The following ASIP variants were observed in gnomAD, a reference collection of about 807,000 sequenced individuals.
ASIP encodes the protein agouti signaling protein.
Under a neutral mutation model 10.3 loss-of-function variants are expected in ASIP, and 11 were observed. The observed-to-expected ratio is 1.07, with a 90% CI of 0.68 to 1.78. The LOEUF (loss-of-function observed/expected upper bound fraction) is 1.78, where lower values mean the gene tolerates loss of function less well. Ranked by LOEUF, ASIP falls within the 40% of genes most tolerant of loss-of-function variation. The pLI is 0.00. For missense variants in ASIP, 180 were observed against 169.2 expected (o/e 1.06, Z -0.35); for synonymous variants, 70 against 70.8 (o/e 0.99, Z 0.06).
chr20:34,267,625 C>T (rs986949077), intron 3 of ASIP, among the ~76,000 whole-genome samples: 7 of 151,994 alleles, frequency 4.6e-5, no homozygotes, highest in South Asian at 2.1e-4. Flanking sequence ...TCCACCTCCC[C>T]GGTTCAAACA....
chr20:34,252,297 T>C (rs1601601823), intron 1 of ASIP, among the ~76,000 whole-genome samples: 1 of 152,202 alleles, frequency 6.6e-6, no homozygotes, highest in East Asian at 1.9e-4. Context: ...TTATTGATTA[T>C]TATTTTTACT....
At chr20:34,256,130 A>C (rs1568767061) in intron 1 of ASIP, among the ~76,000 whole-genome samples, 1 of 152,248 alleles carries the variant, frequency 6.6e-6, no homozygotes, top group Non-Finnish European at 1.5e-5. Flanking sequence ...CATAGAAGAA[A>C]TAATGGCATA....
intron 1 of ASIP, among the ~76,000 whole-genome samples, chr20:34,219,700 G>A (rs1226344206): frequency 6.6e-6 from 1 of 152,180 alleles, no homozygotes; most frequent in East Asian, 1.9e-4. Context: ...GGTTGCTTGT[G>A]GGTGGTGAGA....
Position 34,196,692 on chromosome 20 carries a change from A to G in ASIP, c.-11+1932A>G, listed in dbSNP as rs536768245. On this transcript the variant is annotated intron_variant, in intron 1 of 3. Transcript: ENST00000568305. ...AACTATAAAGCTAGAGTCTGTAATT[A>G]GTTCCCATACCTGCGTAGCCGGTTC... Among the ~76,000 whole-genome samples, 12 of 152,346 alleles carry G rather than the reference A, an allele frequency of 7.9e-5. No homozygotes were observed. The South Asian group carries it at 2.3e-3, about 29-fold the overall frequency.
chr20:34,236,254 C>T (rs1374553126), intron 1 of ASIP, among the ~76,000 whole-genome samples: 1 of 152,116 alleles, frequency 6.6e-6, no homozygotes. Context: ...AGAATCATGG[C>T]CATGGCTGGG....
chr20:34,227,375 G>C (rs1418485422), intron 1 of ASIP, among the ~76,000 whole-genome samples: 2 of 152,158 alleles, frequency 1.3e-5, no homozygotes, highest in Admixed American at 6.5e-5. Flanking sequence ...GCTCACACCT[G>C]TAATCCTAGT....
At chr20:34,201,020 CTTT>C (rs1568744489) in intron 1 of ASIP, among the ~76,000 whole-genome samples, 1,343 of 78,196 alleles carry the variant, frequency 0.017, 7 homozygotes, top group Non-Finnish European at 0.02. Flanking sequence ...TTCCTTCCTT[CTTT>C]CTTTCTTTCT....
intron 1 of ASIP, among the ~76,000 whole-genome samples, chr20:34,207,992 T>C (rs1305462992): frequency 6.6e-6 from 1 of 152,064 alleles, no homozygotes; most frequent in East Asian, 1.9e-4. Flanking sequence ...GGTTTCACCA[T>C]GGTCTCGCTC....
At chr20:34,216,335 T>G (rs2035008532) in intron 1 of ASIP, among the ~76,000 whole-genome samples, 1 of 152,194 alleles carries the variant, frequency 6.6e-6, no homozygotes, top group Admixed American at 6.5e-5. Flanking sequence ...GCGCCAGCAG[T>G]CTCATGGAGA....
intron 1 of ASIP, chr20:34,246,518 C>A: frequency 8.3e-7 from 1 of 1,210,546 alleles, no homozygotes. Context: ...ATCAGCCCCA[C>A]TGGATTCAGA....
At chr20:34,195,609 A>G (rs2034850211) in intron 1 of ASIP, among the ~76,000 whole-genome samples, 1 of 152,194 alleles carries the variant, frequency 6.6e-6, no homozygotes, top group African/African-American at 2.4e-5. Context: ...TGTTAGACAG[A>G]TGTAAGAAAG....
At chr20:34,242,931 C>A (rs1177571564) in intron 1 of ASIP, among the ~76,000 whole-genome samples, 1 of 152,222 alleles carries the variant, frequency 6.6e-6, no homozygotes, top group Non-Finnish European at 1.5e-5. Flanking sequence ...GAAGTGATTT[C>A]TGGAGAGCAT....
At chr20:34,220,847 T>C (rs1365708774) in intron 1 of ASIP, among the ~76,000 whole-genome samples, 2 of 151,522 alleles carry the variant, frequency 1.3e-5, no homozygotes, top group Non-Finnish European at 2.9e-5. Context: ...AACTAAAGAG[T>C]GGTTGCTCTC....
At chr20:34,189,088 A>G in the ASIP span, among the ~76,000 whole-genome samples, 1 of 152,168 alleles carries the variant, frequency 6.6e-6, no homozygotes, top group Admixed American at 6.5e-5. Flanking sequence ...CTTTTTGAGT[A>G]TTCTCTAATT....
At chr20:34,227,690 G>C (rs1216281017) in intron 1 of ASIP, among the ~76,000 whole-genome samples, 2 of 151,204 alleles carry the variant, frequency 1.3e-5, no homozygotes, top group Non-Finnish European at 2.9e-5. Flanking sequence ...ATATTGTTCT[G>C]ATGTCAGTTC....
At chr20:34,245,779 A>G (rs1271748090) in intron 1 of ASIP, among the ~76,000 whole-genome samples, 1 of 152,034 alleles carries the variant, frequency 6.6e-6, no homozygotes, top group African/African-American at 2.4e-5. Context: ...TAAAAAAACA[A>G]GCAACCTTGT....
At position 34,258,336 on chromosome 20, in the gene ASIP, G is replaced by T. The variant is rs372633463; in HGVS notation, c.-10-2029G>T. ...GCTTTGTGGAACACATAGGGTCTCC[G>T]TTGGATATTCTTTTTTTTTTTTTAA... On this transcript the variant is annotated intron_variant, in intron 1 of 3. Transcript: ENST00000374954. 9.5e-4 allele frequency among the ~76,000 whole-genome samples: 132 copies of T among 139,532 alleles called. 1 individual carries two copies. The highest frequency in any genetic ancestry group is 3.9e-3 in the African/African-American group (125 of 32,462). The allele number at this position is 139,532 out of a possible 152,430, so 91.5% of individuals were successfully genotyped here. A position where few individuals can be genotyped will look rare whatever the true frequency, so the allele number is the denominator to read the frequency against.
At chr20:34,245,954 C>A in intron 1 of ASIP, 1 of 1,515,406 alleles carries the variant, frequency 6.6e-7, no homozygotes, top group Non-Finnish European at 9.1e-7. Context: ...TTTTCAAATT[C>A]ACTTCTTTAC....
chr20:34,234,350 C>A (rs2035149835), intron 1 of ASIP, among the ~76,000 whole-genome samples: 1 of 152,090 alleles, frequency 6.6e-6, no homozygotes, highest in African/African-American at 2.4e-5. Flanking sequence ...ACTAGTCAGT[C>A]CTAAGGGAAA....
Sources: gnomAD v4.1 joint callset for allele counts (sites outside exome capture counted in the v4.1 genomes callset) on GRCh38, gnomAD v4.1.1 for gene constraint, MANE v1.5 for transcripts, NCBI Gene and HGNC (gene_info 2026-07-23, HGNC 2026-07-21) for gene names.